The following TIGD5 variants were observed in gnomAD, a reference collection of about 807,000 sequenced individuals.
TIGD5 encodes tigger transposable element-derived protein 5.
TIGD5 carries 24 observed loss-of-function variants against 28.8 expected under a neutral mutation model. The ratio of observed to expected loss-of-function variants is 0.83; its 90% CI spans 0.60 to 1.17. The LOEUF (loss-of-function observed/expected upper bound fraction) is 1.17, where lower values mean the gene tolerates loss of function less well. Among genes scored for constraint, TIGD5 ranks in the 50% most tolerant of loss-of-function variants. The pLI is 0.00. For synonymous variants in TIGD5, 538 were observed against 430.5 expected (o/e 1.25, Z -3.09); for missense variants, 922 against 911.4 (o/e 1.01, Z -0.15).
Position 143,599,404 on chromosome 8 carries a change from G to T in TIGD5, c.1501G>T (p.Glu501Ter), listed in dbSNP as rs765850904. The T allele has an allele frequency of 1.9e-6, 3 of 1,566,494 alleles. No individual in the cohort carries two copies. The highest frequency in any genetic ancestry group is 1.7e-6 in the Non-Finnish European group (2 of 1,156,588). The change falls in exon 1 of 1, where the codon GAG (glutamate) becomes TAG (stop). Residue 501 changes from glutamate (E) to a stop codon, truncating the protein, a stop_gained. Coordinates refer to ENST00000504548, the MANE Select transcript of TIGD5 (RefSeq NM_032862.5). LOFTEE classifies it low-confidence loss of function (END_TRUNC). The stretch of plus-strand genomic sequence containing the variant: ...CAGTGCTGGGCAGCCGGCCCAGGCC[G>T]AGGAAGCCGCCGAGCACAGCAGGGT... ...EDSAGQPAQA[E>*]EAAEHSRVLS...
At position 143,598,203 on chromosome 8, in the gene TIGD5, G is replaced by T. The variant is rs369540104; in HGVS notation, c.300G>T (p.Trp100Cys). The change falls in exon 1 of 1, where the codon TGG (tryptophan) becomes TGT (cysteine). Residue 100 changes from tryptophan to cysteine, a missense_variant. Trp to Cys is a radical substitution (Grantham distance 215). Coordinates refer to ENST00000504548, the MANE Select transcript of TIGD5 (RefSeq NM_032862.5). This position sits in a 1 kb window ranked among gnomAD's most constrained non-coding sequence, Gnocchi z 6.6. ...GWLKDEPKLR[W>C]FLEQLGGEVG... The stretch of plus-strand genomic sequence containing the variant: ...TCAAGGACGAGCCCAAGCTGCGCTG[G>T]TTCCTGGAGCAGCTGGGCGGTGAGG... 13 of 1,607,474 alleles carry T rather than the reference G, an allele frequency of 8.1e-6. No homozygotes were observed. Among genetic ancestry groups the T allele is most frequent in the Non-Finnish European group, 1.1e-5 (13 of 1,177,824 alleles).
In TIGD5 at chr8:143,598,125, G is replaced by A. The variant is rs1284370282; in HGVS notation, c.222G>A (p.Gln74=). The change falls in exon 1 of 1, where the codon CAG becomes CAA. Residue 74 remains glutamine, a synonymous_variant. Coordinates refer to ENST00000504548, the MANE Select transcript of TIGD5 (RefSeq NM_032862.5). The surrounding 1 kb of genome is among the most constrained non-coding windows in gnomAD (Gnocchi z 6.6). ...AGCGCGTCAAGGGCGGCGAGCGGCA[G>A]GCCAGTGTGTGCCGCGACTTCGGCG... ...AIERVKGGER[Q]ASVCRDFGVP... The A allele has an allele frequency of 6.3e-7, 1 of 1,585,802 alleles. No homozygotes were observed. Among genetic ancestry groups the A allele is most frequent in the Non-Finnish European group, 8.6e-7 (1 of 1,168,424 alleles).
rs1006279157 is a variant in TIGD5 at position 143,600,066 on chromosome 8, C to T, written c.*234C>T. The T allele has an allele frequency of 9.3e-6, 4 of 431,040 alleles. No individual in the cohort carries two copies. The highest frequency in any genetic ancestry group is 1.6e-5 in the Non-Finnish European group (4 of 248,858). 26.7% of individuals were successfully genotyped at this position (431,040 alleles called of 1,614,324 possible). ...GGCCTGGCCCATGCTCCTCTCAGGG[C>T]AGGCACATGTACGGGGCATACAAGG... On this transcript the variant is annotated 3_prime_UTR_variant, in exon 1 of 1. Coordinates refer to ENST00000504548, the MANE Select transcript of TIGD5 (RefSeq NM_032862.5).
In TIGD5 at chr8:143,598,478, C is replaced by A; in HGVS notation, c.575C>A (p.Pro192His). ...CAGCGCTTCTACGGCGAGGCCGGGC[C>A]CCCAGCCCCGAGCCCCGCGCCCGGC... Reference protein sequence around the residue: ...SSQRFYGEAGPPAPSPAPGPP... With the variant: ...SSQRFYGEAGHPAPSPAPGPP... The change falls in exon 1 of 1, where the codon CCC (proline) becomes CAC (histidine). Residue 192 changes from proline (P) to histidine (H), a missense_variant. Physicochemically the swap from Pro to His is moderately conservative, Grantham distance 77. Coordinates refer to ENST00000504548, the MANE Select transcript of TIGD5 (RefSeq NM_032862.5). The surrounding 1 kb of genome is among the most constrained non-coding windows in gnomAD (Gnocchi z 6.6). 1 of 1,422,426 alleles carries A rather than the reference C, an allele frequency of 7.0e-7. No homozygotes were observed. The allele number at this position is 1,422,426 out of a possible 1,614,324, so 88.1% of individuals were successfully genotyped here.
In TIGD5 at chr8:143,598,715, G is replaced by T; in HGVS notation, c.812G>T (p.Arg271Leu). 6.6e-7 allele frequency: 1 copy of T among 1,509,874 alleles called. No homozygotes were observed. The allele number at this position is 1,509,874 out of a possible 1,614,324, so 93.5% of individuals were successfully genotyped here. A position where few individuals can be genotyped will look rare whatever the true frequency, so the allele number is the denominator to read the frequency against. Residue 271 changes from arginine to leucine, a missense_variant, in exon 1 of 1, where the codon CGG (arginine) becomes CTG (leucine). By Grantham distance (102) the Arg-to-Leu change is moderately radical. Around this residue, in one of 3 missense-constraint regions of TIGD5, gnomAD observed 821 missense variants for 815.2 expected, o/e 1.01. Coordinates refer to ENST00000504548, the MANE Select transcript of TIGD5 (RefSeq NM_032862.5). This position sits in a 1 kb window ranked among gnomAD's most constrained non-coding sequence, Gnocchi z 6.6. ...GCGGGGGGCTGTGGCCGGCGCTGGC[G>T]GGGCGACCGCGTAACGGTGCTGCTG... is the stretch of plus-strand genomic sequence containing the variant. ...PGAGGCGRRW[R>L]GDRVTVLLAA...
Position 143,598,754 on chromosome 8 carries a change from C to T in TIGD5, c.851C>T (p.Thr284Ile), listed in dbSNP as rs1254110493. 6.3e-7 allele frequency: 1 copy of T among 1,582,772 alleles called. No individual in the cohort carries two copies. Among genetic ancestry groups the T allele is most frequent in the African/African-American group, 1.3e-5 (1 of 74,690 alleles). Residue 284 changes from threonine (T) to isoleucine (I), a missense_variant, in exon 1 of 1, where the codon ACC becomes ATC. Around this residue, in one of 3 missense-constraint regions of TIGD5, gnomAD observed 821 missense variants for 815.2 expected, o/e 1.01. Coordinates refer to ENST00000504548, the MANE Select transcript of TIGD5 (RefSeq NM_032862.5). The surrounding 1 kb of genome is among the most constrained non-coding windows in gnomAD (Gnocchi z 6.6). ...RVTVLLAANL[T>I]GSHKLKPLVI... ...ACGGTGCTGCTGGCCGCAAACCTGA[C>T]CGGCAGCCACAAGCTGAAGCCGCTG...
chr8:143,599,790 G>A lies in TIGD5; in HGVS notation c.1887G>A (p.Gly629=). 1 of 1,485,058 alleles carries A rather than the reference G, an allele frequency of 6.7e-7. No homozygotes were observed. Among genetic ancestry groups the A allele is most frequent in the Non-Finnish European group, 8.9e-7 (1 of 1,126,600 alleles). The allele number at this position is 1,485,058 out of a possible 1,614,324, so 92.0% of individuals were successfully genotyped here. Residue 629 remains glycine (G), a synonymous_variant, in exon 1 of 1, where the codon GGG becomes GGA. Coordinates refer to ENST00000504548, the MANE Select transcript of TIGD5 (RefSeq NM_032862.5). The part of the protein sequence containing the change: ...RSLISMARRL[G]GIGHTPAGPY... ...TCATCAGCATGGCCCGGAGGCTGGG[G>A]GGCATCGGGCATACCCCAGCAGGCC...
rs1829208312 is a variant in TIGD5 at position 143,599,301 on chromosome 8, C to G, written c.1398C>G (p.Asp466Glu). ...TCTACCTGGCTGGCCTCTCCTGGGA[C>G]CTGGTGCAGGCGGGCAGCATTGAGC... ...DMLYLAGLSWDLVQAGSIERC... is the reference protein window; with the variant it reads ...DMLYLAGLSWELVQAGSIERC... Residue 466 changes from aspartate (D) to glutamate (E), a missense_variant, in exon 1 of 1, where the codon GAC becomes GAG. Physicochemically the swap from Asp to Glu is conservative, Grantham distance 45. Transcript: ENST00000504548. The G allele has an allele frequency of 6.2e-7, 1 of 1,608,708 alleles. No individual in the cohort carries two copies. The highest frequency in any genetic ancestry group is 2.2e-5 in the East Asian group (1 of 44,738).
Position 143,598,726 on chromosome 8 carries a change from G to A in TIGD5, c.823G>A (p.Val275Ile), listed in dbSNP as rs1829164924. ...GCGRRWRGDR[V>I]TVLLAANLTG... ...TGGCCGGCGCTGGCGGGGCGACCGC[G>A]TAACGGTGCTGCTGGCCGCAAACCT... is the stretch of plus-strand genomic sequence containing the variant. The change falls in exon 1 of 1, where the codon GTA (valine) becomes ATA (isoleucine). Residue 275 changes from valine to isoleucine, a missense_variant. This residue lies in a region of TIGD5 where 821 missense variants were observed against 815.2 expected (regional missense o/e 1.01). Transcript: ENST00000504548. This position sits in a 1 kb window ranked among gnomAD's most constrained non-coding sequence, Gnocchi z 6.6. 1 of 1,531,406 alleles carries A rather than the reference G, an allele frequency of 6.5e-7. No homozygotes were observed. The highest frequency in any genetic ancestry group is 8.7e-7 in the Non-Finnish European group (1 of 1,145,146). 94.9% of individuals were successfully genotyped at this position (1,531,406 alleles called of 1,614,324 possible). A position where few individuals can be genotyped will look rare whatever the true frequency, so the allele number is the denominator to read the frequency against.
chr8:143,599,509 G>A lies in TIGD5; in HGVS notation c.1606G>A (p.Asp536Asn). ...PEEVAEWLHL[D>N]DDGGPPEGCR... ...GGAGGTTGCGGAGTGGCTGCACCTG[G>A]ACGATGATGGGGGTCCGCCCGAGGG... Residue 536 changes from aspartate (D) to asparagine (N), a missense_variant, in exon 1 of 1, where the codon GAC becomes AAC. By Grantham distance (23) the Asp-to-Asn change is conservative. Coordinates refer to ENST00000504548, the MANE Select transcript of TIGD5 (RefSeq NM_032862.5). 6.3e-7 allele frequency: 1 copy of A among 1,590,816 alleles called. No individual in the cohort carries two copies. The highest frequency in any genetic ancestry group is 8.5e-7 in the Non-Finnish European group (1 of 1,169,730).
rs1829233468 is a variant in TIGD5, at chr8:143,599,918, G to T, written c.*86G>T. On this transcript the variant is annotated 3_prime_UTR_variant, in exon 1 of 1. Coordinates refer to ENST00000504548, the MANE Select transcript of TIGD5 (RefSeq NM_032862.5). The stretch of plus-strand genomic sequence containing the variant: ...CTCCCATCTCTCCTCCCCTCCCCCT[G>T]GGGTGGCCCACCGCATGGGTACAGG... 1.4e-6 allele frequency: 2 copies of T among 1,382,422 alleles called. No individual in the cohort carries two copies. The highest frequency in any genetic ancestry group is 1.9e-6 in the Non-Finnish European group (2 of 1,067,220). 85.6% of individuals were successfully genotyped at this position (1,382,422 alleles called of 1,614,324 possible). A position where few individuals can be genotyped will look rare whatever the true frequency, so the allele number is the denominator to read the frequency against.
At position 143,599,931 on chromosome 8, in the gene TIGD5, G is replaced by C; in HGVS notation, c.*99G>C. ...TCCCCTCCCCCTGGGGTGGCCCACCGCATGGGTACAGGGGGTTCCAGGAAT... is the reference window on the plus strand; with the variant it reads ...TCCCCTCCCCCTGGGGTGGCCCACCCCATGGGTACAGGGGGTTCCAGGAAT... On this transcript the variant is annotated 3_prime_UTR_variant, in exon 1 of 1. Coordinates refer to ENST00000504548, the MANE Select transcript of TIGD5 (RefSeq NM_032862.5). 4 of 1,324,730 alleles carry C rather than the reference G, an allele frequency of 3.0e-6. No individual in the cohort carries two copies. Among genetic ancestry groups the C allele is most frequent in the African/African-American group, 1.5e-5 (1 of 65,694 alleles). 82.1% of individuals were successfully genotyped at this position (1,324,730 alleles called of 1,614,324 possible).
Position 143,601,921 on chromosome 8 carries a change from C to A in TIGD5, c.*2089C>A, listed in dbSNP as rs1018534905. 1 of 152,114 alleles carries A rather than the reference C, an allele frequency of 6.6e-6. No homozygotes were observed. Among genetic ancestry groups the A allele is most frequent in the African/African-American group, 2.4e-5 (1 of 41,418 alleles). 9.4% of individuals were successfully genotyped at this position (152,114 alleles called of 1,614,324 possible). A position where few individuals can be genotyped will look rare whatever the true frequency, so the allele number is the denominator to read the frequency against. On this transcript the variant is annotated 3_prime_UTR_variant, in exon 1 of 1. Transcript: ENST00000504548. ...ACCAGCCTGGCCAACATGGTGAAAA[C>A]CCCGTCTCTACTAAAAATACAAAAA...
At position 143,598,789 on chromosome 8, in the gene TIGD5, C is replaced by A. The variant is rs2131383394; in HGVS notation, c.886C>A (p.Arg296=). Reference sequence around the variant, plus strand: ...CAAGCTGAAGCCGCTGGTCATCGGGCGGCTGCCGGACCCGCCCAGCCTGCG... The same window carrying A: ...CAAGCTGAAGCCGCTGGTCATCGGGAGGCTGCCGGACCCGCCCAGCCTGCG... ...SHKLKPLVIG[R]LPDPPSLRHH... The change falls in exon 1 of 1, where the codon CGG becomes AGG. Residue 296 remains arginine, a synonymous_variant. Coordinates refer to ENST00000504548, the MANE Select transcript of TIGD5 (RefSeq NM_032862.5). The surrounding 1 kb of genome is among the most constrained non-coding windows in gnomAD (Gnocchi z 6.6). 6.3e-7 allele frequency: 1 copy of A among 1,597,744 alleles called. No homozygotes were observed. The highest frequency in any genetic ancestry group is 1.3e-5 in the African/African-American group (1 of 74,974).
chr8:143,598,010 CGCCCCCCGCGCCCGGGCCGCG>C lies in TIGD5; in HGVS notation c.113_133del (p.Pro38_Pro44del), dbSNP rs1324618176. On this transcript the variant is annotated inframe_deletion, in exon 1 of 1. Transcript: ENST00000504548. This position sits in a 1 kb window ranked among gnomAD's most constrained non-coding sequence, Gnocchi z 6.6. ...GCCCCCGTCCCCGCTGCACGGCCGC[CGCCCCCCGCGCCCGGGCCGCG>C]GCCCCGCGTGGCCGTGAAGATGGCC... is the stretch of plus-strand genomic sequence containing the variant. 7.8e-7 allele frequency: 1 copy of C among 1,281,964 alleles called. No homozygotes were observed. The highest frequency in any genetic ancestry group is 9.9e-7 in the Non-Finnish European group (1 of 1,013,982). The allele number at this position is 1,281,964 out of a possible 1,614,324, so 79.4% of individuals were successfully genotyped here. A position where few individuals can be genotyped will look rare whatever the true frequency, so the allele number is the denominator to read the frequency against.
In TIGD5 at chr8:143,599,377, G is replaced by A; in HGVS notation, c.1474G>A (p.Asp492Asn). 1 of 1,572,030 alleles carries A rather than the reference G, an allele frequency of 6.4e-7. No individual in the cohort carries two copies. Among genetic ancestry groups the A allele is most frequent in the Non-Finnish European group, 8.6e-7 (1 of 1,159,996 alleles). The part of the protein sequence containing the change: ...RAAFEPRPGE[D>N]SAGQPAQAEE... ...TGCCTTCGAGCCCCGGCCCGGCGAG[G>A]ACAGTGCTGGGCAGCCGGCCCAGGC... Residue 492 changes from aspartate (D) to asparagine (N), a missense_variant, in exon 1 of 1, where the codon GAC (aspartate) becomes AAC (asparagine). This residue lies in a region of TIGD5 where 821 missense variants were observed against 815.2 expected (regional missense o/e 1.01). Transcript: ENST00000504548.
At position 143,599,798 on chromosome 8, in the gene TIGD5, G is replaced by T. The variant is rs774115757; in HGVS notation, c.1895G>T (p.Gly632Val). 3 of 1,484,964 alleles carry T rather than the reference G, an allele frequency of 2.0e-6. No homozygotes were observed. Among genetic ancestry groups the T allele is most frequent in the Non-Finnish European group, 2.7e-6 (3 of 1,126,510 alleles). The allele number at this position is 1,484,964 out of a possible 1,614,324, so 92.0% of individuals were successfully genotyped here. Residue 632 changes from glycine (G) to valine (V), a missense_variant, in exon 1 of 1, where the codon GGG (glycine) becomes GTG (valine). Transcript: ENST00000504548. ...ISMARRLGGI[G>V]HTPAGPYDGV ...ATGGCCCGGAGGCTGGGGGGCATCG[G>T]GCATACCCCAGCAGGCCCCTATGAC...
In TIGD5 at chr8:143,599,492, C is replaced by T. The variant is rs867839837; in HGVS notation, c.1589C>T (p.Ala530Val). ...AAGTGCCTGGCTCCGGAGGAGGTTG[C>T]GGAGTGGCTGCACCTGGACGATGAT... ...AYKCLAPEEV[A>V]EWLHLDDDGG... The change falls in exon 1 of 1, where the codon GCG becomes GTG. Residue 530 changes from alanine (A) to valine (V), a missense_variant. By Grantham distance (64) the Ala-to-Val change is moderately conservative (BLOSUM62 0). Around this residue, in one of 3 missense-constraint regions of TIGD5, gnomAD observed 821 missense variants for 815.2 expected, o/e 1.01. Coordinates refer to ENST00000504548, the MANE Select transcript of TIGD5 (RefSeq NM_032862.5). 2.5e-6 allele frequency: 4 copies of T among 1,591,478 alleles called. No individual in the cohort carries two copies. Among genetic ancestry groups the T allele is most frequent in the Admixed American group, 1.8e-5 (1 of 56,966 alleles).
At position 143,598,737 on chromosome 8, in the gene TIGD5, G is replaced by T; in HGVS notation, c.834G>T (p.Leu278=). 1 of 1,553,810 alleles carries T rather than the reference G, an allele frequency of 6.4e-7. No homozygotes were observed. Among genetic ancestry groups the T allele is most frequent in the East Asian group, 2.4e-5 (1 of 42,128 alleles). ...GGCGGGGCGACCGCGTAACGGTGCT[G>T]CTGGCCGCAAACCTGACCGGCAGCC... The part of the protein sequence containing the change: ...RRWRGDRVTV[L]LAANLTGSHK... Residue 278 remains leucine, a synonymous_variant, in exon 1 of 1, where the codon CTG becomes CTT. Transcript: ENST00000504548. This position sits in a 1 kb window ranked among gnomAD's most constrained non-coding sequence, Gnocchi z 6.6.
Sources: allele counts gnomAD v4.1 joint callset, GRCh38; gene constraint gnomAD v4.1.1; regional missense constraint gnomAD v4.1.1; non-coding constraint Gnocchi (gnomAD v3.1); transcripts MANE v1.5; gene names NCBI Gene and HGNC (gene_info 2026-07-23, HGNC 2026-07-21).